ENPEP: variants seen among roughly 807,000 people sequenced by gnomAD.
ENPEP encodes the protein AP-A.
A neutral mutation model predicts 114.5 loss-of-function variants in ENPEP; 103 were observed. That is an observed-to-expected ratio of 0.90 (90% CI 0.77 to 1.06). The LOEUF is 1.06. Ranked by LOEUF, ENPEP falls within the 50% of genes least tolerant of loss-of-function variation. The pLI is 0.00. For synonymous variants in ENPEP, 420 were observed against 422.0 expected, an observed-to-expected ratio of 1.00 and a Z score of 0.06; for missense variants, 1,196 against 1,161.3, an observed-to-expected ratio of 1.03 and a Z score of -0.43.
At chr4:110,515,845 G>A (rs1312926914) in intron 8 of ENPEP, 5 of 455,788 alleles carry the variant, frequency 1.1e-5, no homozygotes, top group Middle Eastern at 6.5e-4. Flanking sequence ...CCTCTCTTCC[G>A]GGCTTGCAGA....
At chr4:110,513,189 C>T (rs545752141) in intron 6 of ENPEP, 37 of 347,618 alleles carry the variant, frequency 1.1e-4, no homozygotes, top group African/African-American at 5.6e-4. Context: ...GATGTCTTCT[C>T]GGCCTGTCAT....
chr4:110,504,957 A>G (rs1298825069), intron 3 of ENPEP, among the ~76,000 whole-genome samples: 1 of 152,218 alleles, frequency 6.6e-6, no homozygotes, highest in Non-Finnish European at 1.5e-5. Flanking sequence ...AAAGCACTGA[A>G]TATGTAGACA....
At chr4:110,490,716 A>T (rs1199797106) in intron 2 of ENPEP, among the ~76,000 whole-genome samples, 1 of 152,196 alleles carries the variant, frequency 6.6e-6, no homozygotes, top group African/African-American at 2.4e-5. Context: ...AGATTGCAGT[A>T]CTCTGAAATA....
intron 3 of ENPEP, among the ~76,000 whole-genome samples, chr4:110,495,547 C>A (rs749147868): frequency 6.6e-6 from 1 of 151,978 alleles, no homozygotes; most frequent in Non-Finnish European, 1.5e-5. Context: ...ATGGTGAAAC[C>A]CTGTCTCTAC....
chr4:110,541,770 C>T (rs557253695), intron 11 of ENPEP, among the ~76,000 whole-genome samples: 1 of 152,174 alleles, frequency 6.6e-6, no homozygotes, highest in Non-Finnish European at 1.5e-5. Context: ...TTGTTGGTAC[C>T]TTAAAATATT....
At chr4:110,533,620 G>A (rs475907) in intron 11 of ENPEP, among the ~76,000 whole-genome samples, 150,348 of 152,224 alleles carry the variant, frequency 0.99, 74,266 homozygotes, top group Non-Finnish European at 1. Context: ...CAGAGGCTAA[G>A]GATAGAGTAT....
chr4:110,554,216 T>C (rs1436921891), intron 18 of ENPEP, among the ~76,000 whole-genome samples: 1 of 152,074 alleles, frequency 6.6e-6, no homozygotes, highest in South Asian at 2.1e-4. Context: ...ATCCCTACAT[T>C]AGGAAATAGC....
rs761284040 is a variant in ENPEP at position 110,506,643 on chromosome 4, A to G, written c.925A>G (p.Ile309Val). Residue 309 changes from isoleucine to valine, a missense_variant, in exon 4 of 20, where the codon ATT (isoleucine) becomes GTT (valine). Ile to Val is a conservative substitution (Grantham distance 29). Transcript: ENST00000265162. ...TTTGTGTTTTGTTTAATAGCTTACA[A>G]TTTATGTCCAGCCAGAGCAAAAGCA... ...RISNSGKPLT[I>V]YVQPEQKHTA... 3 of 1,599,928 alleles carry G rather than the reference A, an allele frequency of 1.9e-6. No homozygotes were observed. The African/African-American group carries it at 4.0e-5, about 22-fold the overall frequency.
intron 3 of ENPEP, among the ~76,000 whole-genome samples, chr4:110,502,528 G>C (rs1026125197): frequency 1.3e-5 from 2 of 152,178 alleles, no homozygotes; most frequent in African/African-American, 2.4e-5. Context: ...ATTGAATAGA[G>C]AGTCTTATCC....
At chr4:110,505,546 G>A (rs1725341393) in intron 3 of ENPEP, among the ~76,000 whole-genome samples, 1 of 152,196 alleles carries the variant, frequency 6.6e-6, no homozygotes, top group Admixed American at 6.5e-5. Context: ...GGTTCAAGAT[G>A]TGTGCCTAAG....
chr4:110,480,859 C>T (rs773871586), intron 1 of ENPEP, among the ~76,000 whole-genome samples: 9 of 152,074 alleles, frequency 5.9e-5, no homozygotes, highest in African/African-American at 1.2e-4. Context: ...TCTTCCTACT[C>T]GCTAGTCTAT....
intron 8 of ENPEP, chr4:110,518,952 T>C (rs1264519881): frequency 5.0e-6 from 2 of 403,062 alleles, no homozygotes; most frequent in African/African-American, 4.2e-5. Context: ...TATTATTATT[T>C]AAAAATATTA....
chr4:110,561,529 T>G lies in ENPEP; in HGVS notation c.2845T>G (p.Trp949Gly). ...ACAACATAGAAACACCATCAGAGAA[T>G]GGTTTTTTAATTTACTTGAGAGTGG... ...LKQHRNTIRE[W>G]FFNLLESG The change falls in exon 20 of 20, where the codon TGG becomes GGG. Residue 949 changes from tryptophan to glycine, a missense_variant. Physicochemically the swap from Trp to Gly is radical, Grantham distance 184 (BLOSUM62 -2). Coordinates refer to ENST00000265162, the MANE Select transcript of ENPEP (RefSeq NM_001977.4). 6.2e-7 allele frequency: 1 copy of G among 1,613,682 alleles called. No individual in the cohort carries two copies. The highest frequency in any genetic ancestry group is 1.3e-5 in the African/African-American group (1 of 75,044).
chr4:110,481,271 A>C (rs1490123865), intron 1 of ENPEP, among the ~76,000 whole-genome samples: 9 of 151,410 alleles, frequency 5.9e-5, no homozygotes, highest in Non-Finnish European at 1.5e-5. Flanking sequence ...TTTTTTTTTA[A>C]AGAGATGAGA....
rs924539091 is a variant in ENPEP, at chr4:110,564,111, A to G, written c.*2553A>G. Reference sequence around the variant, plus strand: ...ATCATCAGACTTTCCTTTTTTTTTCAAGCATTTTTATAAACACTAGCACTC... The same window carrying G: ...ATCATCAGACTTTCCTTTTTTTTTCGAGCATTTTTATAAACACTAGCACTC... On this transcript the variant is annotated 3_prime_UTR_variant, in exon 20 of 20. Coordinates refer to ENST00000265162, the MANE Select transcript of ENPEP (RefSeq NM_001977.4). 3.9e-5 allele frequency: 6 copies of G among 151,998 alleles called. No homozygotes were observed. The highest frequency in any genetic ancestry group is 1.4e-4 in the African/African-American group (6 of 41,400). The allele number at this position is 151,998 out of a possible 1,614,324, so 9.4% of individuals were successfully genotyped here.
chr4:110,549,774 G>C lies in ENPEP; in HGVS notation c.2389G>C (p.Glu797Gln). The change falls in exon 17 of 20, where the codon GAG becomes CAG. Residue 797 changes from glutamate (E) to glutamine (Q), a missense_variant. Glu to Gln is a conservative substitution (Grantham distance 29). Coordinates refer to ENST00000265162, the MANE Select transcript of ENPEP (RefSeq NM_001977.4). ...GTATGGGATGCAGAACTCTGGCAAT[G>C]AGATTTCATGGAACTACACTCTTGA... Reference protein sequence around the residue: ...YRYGMQNSGNEISWNYTLEQY... With the variant: ...YRYGMQNSGNQISWNYTLEQY... The C allele has an allele frequency of 1.2e-6, 2 of 1,613,424 alleles. No homozygotes were observed. Among genetic ancestry groups the C allele is most frequent in the Non-Finnish European group, 1.7e-6 (2 of 1,179,614 alleles).
At chr4:110,495,172 T>C (rs1724880423) in intron 3 of ENPEP, among the ~76,000 whole-genome samples, 1 of 152,224 alleles carries the variant, frequency 6.6e-6, no homozygotes, top group Non-Finnish European at 1.5e-5. Flanking sequence ...TTGCAATTCA[T>C]TTTCAAACCA....
At chr4:110,551,790 G>A (rs758494027) in intron 17 of ENPEP, among the ~76,000 whole-genome samples, 40 of 152,136 alleles carry the variant, frequency 2.6e-4, no homozygotes, top group South Asian at 1.4e-3. Context: ...TGGAGTAAAT[G>A]TTCAGTCTTC....
At chr4:110,505,682 T>C (rs1725346645) in intron 3 of ENPEP, among the ~76,000 whole-genome samples, 1 of 152,222 alleles carries the variant, frequency 6.6e-6, no homozygotes, top group South Asian at 2.1e-4. Context: ...ACTAAATGAT[T>C]ACATCTTTTG....
Sources: allele counts gnomAD v4.1 joint callset (sites outside exome capture counted in the v4.1 genomes callset), GRCh38; gene constraint gnomAD v4.1.1; transcripts MANE v1.5; gene names NCBI Gene and HGNC (gene_info 2026-07-23, HGNC 2026-07-21).